The following RHBDL2 variants were observed in gnomAD, a reference collection of about 807,000 sequenced individuals.
RHBDL2 encodes rhomboid-related protein 2.
A neutral mutation model predicts 31.7 loss-of-function variants in RHBDL2; 26 were observed. That is an observed-to-expected ratio of 0.82 (90% CI 0.60 to 1.14). The LOEUF is 1.14. Ranked by LOEUF, RHBDL2 falls within the 50% of genes most tolerant of loss-of-function variation. RHBDL2 has a pLI of 0.00. For missense variants in RHBDL2, 336 were observed against 364.4 expected, an observed-to-expected ratio of 0.92 and a Z score of 0.63; for synonymous variants, 123 against 127.2, an observed-to-expected ratio of 0.97 and a Z score of 0.22.
At chr1:38,893,722 G>A (rs985304717) in intron 5 of RHBDL2, among the ~76,000 whole-genome samples, 4 of 151,336 alleles carry the variant, frequency 2.6e-5, no homozygotes, top group Non-Finnish European at 4.4e-5. Context: ...TTTTGGGGGC[G>A]CTCTTGGGGG....
chr1:38,892,752 G>C (rs1368676000), intron 6 of RHBDL2, among the ~76,000 whole-genome samples: 1 of 152,206 alleles, frequency 6.6e-6, no homozygotes, highest in Non-Finnish European at 1.5e-5. Flanking sequence ...AGCACTCAGA[G>C]CACATAGCAC....
chr1:38,932,563 G>A (rs1354947259), intron 1 of RHBDL2, among the ~76,000 whole-genome samples: 1 of 152,146 alleles, frequency 6.6e-6, no homozygotes, highest in African/African-American at 2.4e-5. Flanking sequence ...CAGTTCAAGG[G>A]ACTCTTGTGC....
intron 6 of RHBDL2, among the ~76,000 whole-genome samples, chr1:38,891,265 A>AC (rs1441016399): frequency 6.6e-6 from 1 of 151,396 alleles, no homozygotes; most frequent in Non-Finnish European, 1.5e-5. Context: ...CGTCTCAAAA[A>AC]AAAAAAAAAA....
intron 3 of RHBDL2, among the ~76,000 whole-genome samples, chr1:38,915,092 A>G (rs1022757911): frequency 6.6e-6 from 1 of 151,618 alleles, no homozygotes; most frequent in African/African-American, 2.4e-5. Context: ...CTGAGGTCCT[A>G]GCTCTGCAAC....
intron 3 of RHBDL2, among the ~76,000 whole-genome samples, chr1:38,914,111 A>C (rs1013778443): frequency 4.0e-5 from 6 of 151,612 alleles, no homozygotes; most frequent in Middle Eastern, 6.8e-3. Context: ...GCTAGACTCT[A>C]TCTCAAAAAA....
At chr1:38,924,223 G>A (rs2124345063) in intron 1 of RHBDL2, among the ~76,000 whole-genome samples, 1 of 152,156 alleles carries the variant, frequency 6.6e-6, no homozygotes, top group Non-Finnish European at 1.5e-5. Context: ...GAGATTACAG[G>A]TGTGAGAGAG....
At chr1:38,926,595 G>C (rs1250102920) in intron 1 of RHBDL2, 1 of 152,264 alleles carries the variant, frequency 6.6e-6, no homozygotes, top group East Asian at 1.9e-4. Flanking sequence ...CCAGCACTTT[G>C]GGAGGCAGAG....
chr1:38,906,914 T>C (rs936408263), intron 4 of RHBDL2, among the ~76,000 whole-genome samples: 2 of 152,154 alleles, frequency 1.3e-5, no homozygotes, highest in African/African-American at 4.8e-5. Context: ...AGAATTATTC[T>C]AACGCTTATA....
At chr1:38,901,845 T>TA (rs547436908) in intron 4 of RHBDL2, among the ~76,000 whole-genome samples, 3 of 136,204 alleles carry the variant, frequency 2.2e-5, no homozygotes, top group African/African-American at 1.0e-4. Context: ...AAAAATAAAA[T>TA]AAATAAATAA....
At chr1:38,929,351 A>G in intron 1 of RHBDL2, 1 of 1,257,238 alleles carries the variant, frequency 8.0e-7, no homozygotes, top group Non-Finnish European at 1.0e-6. Flanking sequence ...GGACGGGAAA[A>G]GGATTTGCCT....
chr1:38,892,462 A>T (rs1642866491), intron 6 of RHBDL2, among the ~76,000 whole-genome samples: 1 of 152,132 alleles, frequency 6.6e-6, no homozygotes, highest in Non-Finnish European at 1.5e-5. Flanking sequence ...CCATAAAGAT[A>T]CTAAAAGCCA....
At chr1:38,929,361 T>A (rs1374312412) in intron 1 of RHBDL2, 1 of 1,278,166 alleles carries the variant, frequency 7.8e-7, no homozygotes, top group Non-Finnish European at 1.0e-6. Context: ...AGGATTTGCC[T>A]CTTTGAGAAG....
At chr1:38,919,576 AT>A (rs1232252185) in intron 1 of RHBDL2, among the ~76,000 whole-genome samples, 1 of 151,198 alleles carries the variant, frequency 6.6e-6, no homozygotes, top group Admixed American at 6.6e-5. Context: ...AAAATTTACC[AT>A]TTTCGCCATT....
chr1:38,901,304 A>C (rs1046743065), intron 4 of RHBDL2, among the ~76,000 whole-genome samples: 4 of 151,484 alleles, frequency 2.6e-5, no homozygotes, highest in Admixed American at 6.6e-5. Context: ...TCTACTAAAA[A>C]TACAAAAATT....
At chr1:38,932,183 A>G (rs1643445942) in intron 1 of RHBDL2, among the ~76,000 whole-genome samples, 2 of 152,208 alleles carry the variant, frequency 1.3e-5, no homozygotes, top group Admixed American at 1.3e-4. Context: ...GAAGAGCACA[A>G]AAGTAGGAGT....
chr1:38,886,444 CTTT>C lies in RHBDL2; in HGVS notation c.*57_*59del. 2 of 1,073,462 alleles carry C rather than the reference CTTT, an allele frequency of 1.9e-6. No homozygotes were observed. Among genetic ancestry groups the C allele is most frequent in the Non-Finnish European group, 2.5e-6 (2 of 788,280 alleles). The allele number at this position is 1,073,462 out of a possible 1,614,324, so 66.5% of individuals were successfully genotyped here. On this transcript the variant is annotated 3_prime_UTR_variant, in exon 8 of 8. Coordinates refer to ENST00000372990, the MANE Select transcript of RHBDL2 (RefSeq NM_017821.5). Reference sequence around the variant, plus strand: ...TTCTCTGTTTCTTCATAGAGTCTTCCTTTTTTTTTTATTTCCTCCAGATGGCTC... The same window carrying C: ...TTCTCTGTTTCTTCATAGAGTCTTCCTTTTTTTATTTCCTCCAGATGGCTC...
intron 1 of RHBDL2, among the ~76,000 whole-genome samples, chr1:38,924,591 C>T (rs146007567): frequency 0.062 from 9,314 of 150,968 alleles, 899 homozygotes; most frequent in African/African-American, 0.21. Context: ...AAGACTCCGT[C>T]TCAAAAAAAA....
rs1570922276 is a variant in RHBDL2 at position 38,905,935 on chromosome 1, T to C, written c.508+5387A>G. Among the ~76,000 whole-genome samples the C allele has an allele frequency of 2.6e-5, 4 of 151,496 alleles. No homozygotes were observed. The East Asian group carries it at 7.9e-4, about 30-fold the overall frequency. On this transcript the variant is annotated intron_variant, in intron 4 of 7. Coordinates refer to ENST00000372990, the MANE Select transcript of RHBDL2 (RefSeq NM_017821.5). ...ACAAAAAATTAGCTGGGCATGGTGG[T>C]GAGCACCTGTAATCCCAGCTACTTG...
At chr1:38,922,790 G>C (rs1011491214) in intron 1 of RHBDL2, among the ~76,000 whole-genome samples, 2 of 151,384 alleles carry the variant, frequency 1.3e-5, no homozygotes, top group African/African-American at 2.4e-5. Context: ...TATTAGATTG[G>C]TAACAATGAA....
Sources: gnomAD v4.1 joint callset for allele counts (sites outside exome capture counted in the v4.1 genomes callset) on GRCh38, gnomAD v4.1.1 for gene constraint, MANE v1.5 for transcripts, NCBI Gene and HGNC (gene_info 2026-07-23, HGNC 2026-07-21) for gene names.